MTCL3: variants seen among roughly 807,000 people sequenced by gnomAD.
The protein encoded by MTCL3 is MTCL family member 3, also known as microtubule cross-linking factor 3.
the MTCL3 span, chr6:127,475,144 A>C: frequency 5.6e-6 from 4 of 716,724 alleles, no homozygotes; most frequent in South Asian, 8.3e-5. This position sits in a 1 kb window ranked among gnomAD's most constrained non-coding sequence, Gnocchi z 7.3. Context: ...TGGTGGGCCG[A>C]GGCCGGGGGT....
At chr6:127,510,887 T>G in the MTCL3 span, among the ~76,000 whole-genome samples, 7 of 152,118 alleles carry the variant, frequency 4.6e-5, no homozygotes, top group Admixed American at 4.6e-4. Flanking sequence ...CTGCTCAGGA[T>G]GAAATCTCAT....
the MTCL3 span, chr6:127,475,278 T>A: frequency 8.3e-6 from 13 of 1,572,576 alleles, no homozygotes; most frequent in African/African-American, 1.4e-5. The surrounding 1 kb of genome is among the most constrained non-coding windows in gnomAD (Gnocchi z 7.3). Flanking sequence ...TGGCTCGCAA[T>A]AGGCAGAACT....
the MTCL3 span, among the ~76,000 whole-genome samples, chr6:127,480,238 A>G: frequency 6.6e-6 from 1 of 152,132 alleles, no homozygotes; most frequent in Non-Finnish European, 1.5e-5. Flanking sequence ...TTGTACAACA[A>G]CTCTCTATTA....
the MTCL3 span, chr6:127,516,251 C>G: frequency 6.9e-6 from 10 of 1,455,226 alleles, no homozygotes; most frequent in Non-Finnish European, 9.0e-6. Flanking sequence ...TCAGCACCAG[C>G]CACAGGCTGG....
the MTCL3 span, chr6:127,516,347 C>T: frequency 6.3e-7 from 1 of 1,596,470 alleles, no homozygotes; most frequent in Non-Finnish European, 8.5e-7. Flanking sequence ...GCGGGCGGCC[C>T]CGTGCGGCTC....
the MTCL3 span, among the ~76,000 whole-genome samples, chr6:127,503,999 A>G: frequency 6.6e-6 from 1 of 152,220 alleles, no homozygotes; most frequent in Non-Finnish European, 1.5e-5. Context: ...AGTTAATAAC[A>G]TGGACTTGGT....
At chr6:127,511,559 C>G in the MTCL3 span, among the ~76,000 whole-genome samples, 6 of 152,100 alleles carry the variant, frequency 3.9e-5, no homozygotes, top group Non-Finnish European at 7.4e-5. Context: ...CAGTGTAGAA[C>G]TGGATAAAAG....
At chr6:127,499,698 G>C in the MTCL3 span, among the ~76,000 whole-genome samples, 1 of 152,116 alleles carries the variant, frequency 6.6e-6, no homozygotes, top group Non-Finnish European at 1.5e-5. Context: ...ATTCATGCTT[G>C]CTCCTTCTCT....
the MTCL3 span, among the ~76,000 whole-genome samples, chr6:127,484,411 G>A: frequency 2.6e-5 from 4 of 151,906 alleles, no homozygotes; most frequent in Non-Finnish European, 5.9e-5. Flanking sequence ...GAAAGCTTGG[G>A]GACTGACTCA....
At chr6:127,501,487 T>C in the MTCL3 span, among the ~76,000 whole-genome samples, 1 of 152,242 alleles carries the variant, frequency 6.6e-6, no homozygotes, top group Non-Finnish European at 1.5e-5. Flanking sequence ...TCTAATTATT[T>C]CTACTATTAT....
the MTCL3 span, among the ~76,000 whole-genome samples, chr6:127,518,209 A>T: frequency 4.0e-4 from 61 of 152,242 alleles, no homozygotes; most frequent in Non-Finnish European, 6.5e-4. Flanking sequence ...GTTTATCATC[A>T]TGGGTGGCAC....
chr6:127,512,281 G>A, the MTCL3 span, among the ~76,000 whole-genome samples: 424 of 152,016 alleles, frequency 2.8e-3, 1 homozygote, highest in Non-Finnish European at 4.9e-3. Context: ...GCTGGCTAAA[G>A]TTGCAATTAA....
At chr6:127,475,919 C>A in the MTCL3 span, 2 of 1,613,262 alleles carry the variant, frequency 1.2e-6, no homozygotes, top group Non-Finnish European at 1.7e-6. The surrounding 1 kb of genome is among the most constrained non-coding windows in gnomAD (Gnocchi z 7.3). Context: ...TTCAGCTCCT[C>A]CTGCAGGGCC....
chr6:127,518,325 C>T, the MTCL3 span, among the ~76,000 whole-genome samples: 3 of 152,218 alleles, frequency 2.0e-5, no homozygotes, highest in Non-Finnish European at 4.4e-5. Context: ...AAACTCAGCC[C>T]TCAGACAGCA....
chr6:127,504,888 G>A, the MTCL3 span, among the ~76,000 whole-genome samples: 4 of 152,132 alleles, frequency 2.6e-5, no homozygotes, highest in South Asian at 2.1e-4. Flanking sequence ...CACATTCTGC[G>A]GTGAGAGCCT....
At chr6:127,481,307 G>T in the MTCL3 span, 1 of 985,382 alleles carries the variant, frequency 1.0e-6, no homozygotes, top group Non-Finnish European at 1.2e-6. Flanking sequence ...TTTAGAGTGA[G>T]TTGGATAAAG....
chr6:127,506,046 CTG>C, the MTCL3 span, among the ~76,000 whole-genome samples: 1 of 152,168 alleles, frequency 6.6e-6, no homozygotes, highest in South Asian at 2.1e-4. Flanking sequence ...ATATTAAAAA[CTG>C]AGGCCTATAA....
chr6:127,487,337 C>T, the MTCL3 span, among the ~76,000 whole-genome samples: 1 of 152,132 alleles, frequency 6.6e-6, no homozygotes, highest in African/African-American at 2.4e-5. Context: ...ACATATATGA[C>T]ACATGTGCAG....
the MTCL3 span, chr6:127,482,958 T>C: frequency 1.2e-6 from 2 of 1,609,470 alleles, no homozygotes; most frequent in African/African-American, 2.7e-5. The surrounding 1 kb of genome is among the most constrained non-coding windows in gnomAD (Gnocchi z 4.1). Flanking sequence ...TTGGCAAATC[T>C]TTGCTTCCTC....
Sources: allele counts gnomAD v4.1 joint callset (sites outside exome capture counted in the v4.1 genomes callset), GRCh38; gene constraint gnomAD v4.1.1; non-coding constraint Gnocchi (gnomAD v3.1); transcripts MANE v1.5; gene names NCBI Gene and HGNC (gene_info 2026-07-23, HGNC 2026-07-21).